The following SARS2 variants were observed in gnomAD, a reference collection of about 807,000 sequenced individuals.
The protein encoded by SARS2 is serine--tRNA ligase, mitochondrial.
Under a neutral mutation model 66.8 loss-of-function variants are expected in SARS2, and 52 were observed. The ratio of observed to expected loss-of-function variants is 0.78; its 90% CI spans 0.62 to 0.98. The LOEUF (loss-of-function observed/expected upper bound fraction) is 0.98, where lower values mean the gene tolerates loss of function less well. SARS2 is among the 50% of genes least tolerant of loss of function. SARS2 has a pLI of 0.00. For synonymous variants in SARS2, 306 were observed against 281.4 expected, an observed-to-expected ratio of 1.09 and a Z score of -0.87; for missense variants, 673 against 706.3, an observed-to-expected ratio of 0.95 and a Z score of 0.53.
Position 38,915,387 on chromosome 19 carries a change from G to GCTTC in SARS2, c.*215_*218dup, listed in dbSNP as rs766266047. The stretch of plus-strand genomic sequence containing the variant: ...TAGAACCGTAAAGCCCAGACGTCCT[G>GCTTC]CTTCCCACTGGGACCCTCAATGATA... On this transcript the variant is annotated 3_prime_UTR_variant, in exon 16 of 16. Transcript: ENST00000221431. The GCTTC allele has an allele frequency of 3.4e-6, 2 of 596,840 alleles. No homozygotes were observed. The highest frequency in any genetic ancestry group is 6.0e-6 in the Non-Finnish European group (2 of 335,226). 37.0% of individuals were successfully genotyped at this position (596,840 alleles called of 1,614,324 possible).
chr19:38,920,287 A>G (rs879840487), intron 5 of SARS2, 138 bp from the exon 6 acceptor site: 1 of 722,792 alleles, frequency 1.4e-6, no homozygotes, highest in East Asian at 2.7e-5. Flanking sequence ...AGGGAGAAGA[A>G]GACACGGAAA....
chr19:38,920,938 GACACACAC>G (rs142895480), intron 5 of SARS2, among the ~76,000 whole-genome samples: 1 of 120,834 alleles, frequency 8.3e-6, no homozygotes, highest in Non-Finnish European at 1.8e-5. Flanking sequence ...CACACACATA[GACACACAC>G]ACACAGACAC....
At chr19:38,918,344 C>G in intron 9 of SARS2, 78 bp downstream of exon 9, 1 of 1,375,236 alleles carries the variant, frequency 7.3e-7, no homozygotes, top group Non-Finnish European at 1.0e-6. Context: ...AGGTGATCCC[C>G]CCCAGTGCTC....
intron 12 of SARS2, among the ~76,000 whole-genome samples, 190 bp from the exon 13 acceptor site, chr19:38,916,504 C>T (rs1049960059): frequency 6.6e-6 from 1 of 151,922 alleles, no homozygotes; most frequent in African/African-American, 2.4e-5. Context: ...GACGATAGTG[C>T]CAAAGGAGAG....
intron 1 of SARS2, among the ~76,000 whole-genome samples, chr19:38,928,557 G>C (rs1014367138): frequency 6.6e-6 from 1 of 152,060 alleles, no homozygotes; most frequent in Non-Finnish European, 1.5e-5. Flanking sequence ...GTGTGTACTG[G>C]GTCAGGATGT....
chr19:38,924,257 A>G (rs1426719864), intron 2 of SARS2, among the ~76,000 whole-genome samples: 1 of 152,166 alleles, frequency 6.6e-6, no homozygotes, highest in African/African-American at 2.4e-5. Context: ...GACATTCTGA[A>G]CCTTCCATGA....
intron 3 of SARS2, 135 bp downstream of exon 3, chr19:38,922,103 A>G: frequency 1.9e-6 from 3 of 1,603,210 alleles, no homozygotes; most frequent in Non-Finnish European, 2.6e-6. Flanking sequence ...AGTTTCATGC[A>G]TCAATAGAGC....
Position 38,917,794 on chromosome 19 carries a change from T to C in SARS2, c.1090A>G (p.Ser364Gly), listed in dbSNP as rs150586737. 29 of 1,613,852 alleles carry C rather than the reference T, an allele frequency of 1.8e-5. No individual in the cohort carries two copies. The highest frequency in any genetic ancestry group is 2.7e-5 in the African/African-American group (2 of 74,866). ...FGVTGPGLEQ[S>G]SQLLEEFLSL... is the part of the protein sequence containing the mutation. ...AGGAACTCCTCCAGCAGCTGTGAGC[T>C]CTGCTCCAGCCCAGGGCCTGTCACC... Residue 364 changes from serine to glycine, a missense_variant, in exon 12 of 16, where the codon AGC becomes GGC. Physicochemically the swap from Ser to Gly is moderately conservative, Grantham distance 56. Coordinates refer to ENST00000221431, the MANE Select transcript of SARS2 (RefSeq NM_017827.4).
intron 2 of SARS2, among the ~76,000 whole-genome samples, chr19:38,924,582 C>T (rs977826386): frequency 6.6e-6 from 1 of 152,170 alleles, no homozygotes; most frequent in Non-Finnish European, 1.5e-5. Flanking sequence ...GTGGTAAAAA[C>T]CAACTGCCTA....
chr19:38,916,329 G>C lies in SARS2; in HGVS notation c.1161-15C>G. On this transcript the variant is annotated splice_polypyrimidine_tract_variant and intron_variant, in intron 12 of 15. Transcript: ENST00000221431. ...TATCCAGGACCCTGCGGTCAAGGACGAAGGTGTGGGGAAGGTCAGCGGGTG... is the reference window on the plus strand; with the variant it reads ...TATCCAGGACCCTGCGGTCAAGGACCAAGGTGTGGGGAAGGTCAGCGGGTG... The C allele has an allele frequency of 6.2e-7, 1 of 1,609,794 alleles. No individual in the cohort carries two copies. The highest frequency in any genetic ancestry group is 8.5e-7 in the Non-Finnish European group (1 of 1,176,054).
intron 5 of SARS2, among the ~76,000 whole-genome samples, chr19:38,920,435 G>A (rs2144768235): frequency 6.6e-6 from 1 of 151,740 alleles, no homozygotes; most frequent in East Asian, 1.9e-4. Context: ...GAGGAGAGAG[G>A]CCAGAGGAGA....
chr19:38,915,477 GC>G lies in SARS2; in HGVS notation c.*128del. The G allele has an allele frequency of 9.0e-7, 1 of 1,109,114 alleles. No individual in the cohort carries two copies. The highest frequency in any genetic ancestry group is 1.3e-6 in the Non-Finnish European group (1 of 762,460). The allele number at this position is 1,109,114 out of a possible 1,614,324, so 68.7% of individuals were successfully genotyped here. A position where few individuals can be genotyped will look rare whatever the true frequency, so the allele number is the denominator to read the frequency against. ...GAGAGGTGGACCCCGTGGTCCAGGG[GC>G]CCGGGCGTGGAGCTGACAGGAAGAA... On this transcript the variant is annotated 3_prime_UTR_variant, in exon 16 of 16. Transcript: ENST00000221431.
At chr19:38,926,411 T>G in intron 1 of SARS2, 111 bp from the exon 2 acceptor site, 1 of 934,794 alleles carries the variant, frequency 1.1e-6, no homozygotes, top group Non-Finnish European at 1.7e-6. Context: ...GATCCCTACC[T>G]AGCCCTCAGT....
At chr19:38,919,497 C>A (rs1401635719) in intron 7 of SARS2, among the ~76,000 whole-genome samples, 1 of 152,240 alleles carries the variant, frequency 6.6e-6, no homozygotes, top group African/African-American at 2.4e-5. Flanking sequence ...CAAGCACAGG[C>A]TCTAGGCCCA....
chr19:38,923,868 G>A (rs12971945), intron 2 of SARS2, among the ~76,000 whole-genome samples: 32,581 of 152,018 alleles, frequency 0.21, 4,137 homozygotes, highest in South Asian at 0.35. Context: ...CAGCTACTCG[G>A]GAGGCTGAGG....
At chr19:38,926,876 T>C (rs1233895396) in intron 1 of SARS2, among the ~76,000 whole-genome samples, 5 of 151,204 alleles carry the variant, frequency 3.3e-5, no homozygotes, top group Non-Finnish European at 7.4e-5. Context: ...ACTGCTTGAG[T>C]GAGCCCAGGA....
At chr19:38,927,348 C>T (rs1974645287) in intron 1 of SARS2, among the ~76,000 whole-genome samples, 2 of 151,256 alleles carry the variant, frequency 1.3e-5, no homozygotes, top group Non-Finnish European at 3.0e-5. Flanking sequence ...GCAGGTGGAT[C>T]ATTTGAGCCC....
At chr19:38,918,293 GC>G in intron 9 of SARS2, 128 bp downstream of exon 9, 1 of 1,151,558 alleles carries the variant, frequency 8.7e-7, no homozygotes, top group South Asian at 1.3e-5. Context: ...AACCTACACA[GC>G]CGTACATGTT....
At chr19:38,917,682 C>CCCCCCCCCCG in intron 12 of SARS2, 42 bp downstream of exon 12, 2 of 701,526 alleles carry the variant, frequency 2.9e-6, no homozygotes, top group East Asian at 3.2e-5. Flanking sequence ...CCCTCCCCTA[C>CCCCCCCCCCG]CCCACCCCTG....
Sources: gnomAD v4.1 joint callset for allele counts (sites outside exome capture counted in the v4.1 genomes callset) on GRCh38, gnomAD v4.1.1 for gene constraint, MANE v1.5 for transcripts, NCBI Gene and HGNC (gene_info 2026-07-23, HGNC 2026-07-21) for gene names.